Variants in B3GALNT2 observed in about 807,000 individuals in gnomAD.
B3GALNT2 encodes beta-1,3-N-acetylgalactosaminyltransferase 2, also known as UDP-GalNAc:beta-1,3-N-acetylgalactosaminyltransferase 2.
A neutral mutation model predicts 61.1 loss-of-function variants in B3GALNT2; 53 were observed. The observed-to-expected ratio is 0.87, with a 90% CI of 0.70 to 1.09. The LOEUF (loss-of-function observed/expected upper bound fraction) is 1.09. Ranked by LOEUF, B3GALNT2 falls within the 50% of genes least tolerant of loss-of-function variation. The pLI, the probability that B3GALNT2 is intolerant of heterozygous loss-of-function variation, is 0.00. For missense variants in B3GALNT2, 544 were observed against 623.0 expected, an observed-to-expected ratio of 0.87 and a Z score of 1.35; for synonymous variants, 223 against 237.4, an observed-to-expected ratio of 0.94 and a Z score of 0.56.
chr1:235,446,920 A>G (rs1342314855), downstream of B3GALNT2, among the ~76,000 whole-genome samples: 1 of 151,948 alleles, frequency 6.6e-6, no homozygotes, highest in African/African-American at 2.4e-5. Context: ...CTGGGCTCTG[A>G]TCCCTCTGCC....
At chr1:235,481,252 G>C (rs898654613) in intron 4 of B3GALNT2, among the ~76,000 whole-genome samples, 1 of 152,086 alleles carries the variant, frequency 6.6e-6, no homozygotes, top group Non-Finnish European at 1.5e-5. Flanking sequence ...ACTCCTCCCT[G>C]GTTAAAAATA....
chr1:235,467,525 C>G (rs1683762406), intron 6 of B3GALNT2, among the ~76,000 whole-genome samples: 1 of 151,102 alleles, frequency 6.6e-6, no homozygotes, highest in East Asian at 1.9e-4. Flanking sequence ...GCTCTTGTCC[C>G]CCAGGCTGGA....
intron 2 of B3GALNT2, among the ~76,000 whole-genome samples, chr1:235,494,388 G>A (rs929971037): frequency 2.6e-5 from 4 of 152,038 alleles, no homozygotes; most frequent in African/African-American, 9.7e-5. Flanking sequence ...AAATGAAACA[G>A]CCATTTCTCC....
At chr1:235,474,950 C>CAT (rs1159752267) in intron 5 of B3GALNT2, among the ~76,000 whole-genome samples, 692 of 39,318 alleles carry the variant, frequency 0.018, 11 homozygotes, top group South Asian at 0.029. Context: ...AAATTAGAGA[C>CAT]ATATATATAT....
rs145329003 is a variant in B3GALNT2, at chr1:235,502,470, C to A, written c.112+1671G>T. Among the ~76,000 whole-genome samples, 37 of 152,322 alleles carry A rather than the reference C, an allele frequency of 2.4e-4. 1 individual carries two copies. The East Asian group carries it at 2.9e-3, about 12-fold the overall frequency. ...TTATTATCTGACCAGATACACAGTA[C>A]TCATTCAAAGCCAAAGTTAATTAAC... On this transcript the variant is annotated intron_variant, in intron 1 of 11. Transcript: ENST00000366600.
At chr1:235,493,715 T>C (rs1572555626) in intron 2 of B3GALNT2, among the ~76,000 whole-genome samples, 11 of 151,978 alleles carry the variant, frequency 7.2e-5, no homozygotes, top group Admixed American at 7.2e-4. Flanking sequence ...GAATTGGAGG[T>C]TGCAGTGAGC....
intron 6 of B3GALNT2, among the ~76,000 whole-genome samples, chr1:235,467,435 T>G (rs895492762): frequency 1.3e-5 from 2 of 151,716 alleles, no homozygotes; most frequent in African/African-American, 4.8e-5. Context: ...TCCAACGTTG[T>G]AGTTCCATAA....
chr1:235,463,702 G>A (rs1460807588), intron 7 of B3GALNT2: 1 of 151,764 alleles, frequency 6.6e-6, no homozygotes, highest in Non-Finnish European at 1.5e-5. Flanking sequence ...GAGTAGCTGG[G>A]ATTACAGGCG....
At chr1:235,492,624 C>T in intron 2 of B3GALNT2, among the ~76,000 whole-genome samples, 1 of 152,178 alleles carries the variant, frequency 6.6e-6, no homozygotes, top group Admixed American at 6.5e-5. Context: ...ATGAAACCTA[C>T]ATTCAAGTGG....
chr1:235,479,714 T>C (rs1188210349), intron 5 of B3GALNT2: 1 of 176,156 alleles, frequency 5.7e-6, no homozygotes, highest in African/African-American at 2.4e-5. Context: ...ATTTAATTTT[T>C]ACCCAAATGG....
intron 3 of B3GALNT2, among the ~76,000 whole-genome samples, chr1:235,486,059 G>A (rs1458992134): frequency 6.6e-6 from 1 of 150,448 alleles, no homozygotes; most frequent in Non-Finnish European, 1.5e-5. Flanking sequence ...CCACTGCAGT[G>A]CAGCCTGGGC....
At chr1:235,491,811 T>TC (rs1417863729) in intron 2 of B3GALNT2, among the ~76,000 whole-genome samples, 1 of 151,794 alleles carries the variant, frequency 6.6e-6, no homozygotes, top group Non-Finnish European at 1.5e-5. Flanking sequence ...GTCATATGCT[T>TC]CCCCCCTCTT....
chr1:235,481,124 T>C (rs1374793967), intron 4 of B3GALNT2, among the ~76,000 whole-genome samples: 4 of 152,084 alleles, frequency 2.6e-5, no homozygotes, highest in Non-Finnish European at 5.9e-5. Flanking sequence ...ATTATGTCTA[T>C]TTCTTTCATG....
chr1:235,496,534 T>C (rs191625205), intron 1 of B3GALNT2, among the ~76,000 whole-genome samples: 2 of 151,216 alleles, frequency 1.3e-5, no homozygotes, highest in East Asian at 1.9e-4. Flanking sequence ...CCCTATGAGG[T>C]AGGTACTTGT....
chr1:235,474,988 T>TATATATATATA (rs1491560842), intron 5 of B3GALNT2, among the ~76,000 whole-genome samples: 29 of 19,116 alleles, frequency 1.5e-3, no homozygotes, highest in African/African-American at 3.3e-3. Context: ...TATATATATA[T>TATATATATATA]TTTTTTTTTT....
chr1:235,458,008 GT>G (rs1683247719), intron 8 of B3GALNT2, among the ~76,000 whole-genome samples: 1 of 151,700 alleles, frequency 6.6e-6, no homozygotes, highest in Admixed American at 6.6e-5. Context: ...CTGGGTTCAA[GT>G]GATTTTCATG....
chr1:235,453,357 C>A (rs945319707), intron 10 of B3GALNT2, among the ~76,000 whole-genome samples: 26 of 152,046 alleles, frequency 1.7e-4, no homozygotes, highest in African/African-American at 6.0e-4. Flanking sequence ...AAGATGAAAC[C>A]GCGAGCAGAC....
At chr1:235,502,853 T>TTTATA (rs1483191973) in intron 1 of B3GALNT2, among the ~76,000 whole-genome samples, 1 of 152,224 alleles carries the variant, frequency 6.6e-6, no homozygotes, top group Non-Finnish European at 1.5e-5. Flanking sequence ...CAAAGCATTT[T>TTTATA]TTATATATGG....
chr1:235,457,307 C>T (rs552685051), intron 8 of B3GALNT2, among the ~76,000 whole-genome samples: 1 of 151,952 alleles, frequency 6.6e-6, no homozygotes, highest in Admixed American at 6.6e-5. Context: ...CACCAAGGAA[C>T]AGAAGAAGGT....
Sources: allele counts gnomAD v4.1 joint callset (sites outside exome capture counted in the v4.1 genomes callset), GRCh38; gene constraint gnomAD v4.1.1; transcripts MANE v1.5; gene names NCBI Gene and HGNC (gene_info 2026-07-23, HGNC 2026-07-21).